The following HDAC4 variants were observed in gnomAD, a reference collection of about 807,000 sequenced individuals.
HDAC4 encodes the protein histone deacetylase 4.
In HDAC4, 16 loss-of-function variants were observed where a neutral mutation model predicts 135.1. The observed-to-expected ratio is 0.12, with a 90% confidence interval of 0.08 to 0.18. The LOEUF (loss-of-function observed/expected upper bound fraction) is 0.18, where lower values mean the gene tolerates loss of function less well. Ranked by LOEUF, HDAC4 falls within the 10% of genes least tolerant of loss-of-function variation. The probability of loss-of-function intolerance (pLI) is 1.00; values close to 1 mark genes in which losing one functional copy is unlikely to be tolerated. For synonymous variants in HDAC4, 685 were observed against 653.4 expected (o/e 1.05, Z -0.74); for missense variants, 1,143 against 1,511.8 (o/e 0.76, Z 4.05).
chr2:239,062,942 G>A (rs2032970709), intron 24 of HDAC4, among the ~76,000 whole-genome samples: 1 of 152,176 alleles, frequency 6.6e-6, no homozygotes, highest in South Asian at 2.1e-4. Context: ...GCAGGCCCCT[G>A]CGATGGCCCA....
intron 2 of HDAC4, among the ~76,000 whole-genome samples, chr2:239,314,097 C>T (rs977569140): frequency 3.9e-5 from 6 of 152,134 alleles, no homozygotes; most frequent in African/African-American, 1.4e-4. Flanking sequence ...TTCAGACAAC[C>T]CATGAGGCCT....
intron 19 of HDAC4, among the ~76,000 whole-genome samples, chr2:239,084,573 C>T (rs1267535097): frequency 1.3e-5 from 2 of 151,742 alleles, no homozygotes; most frequent in Admixed American, 1.3e-4. Context: ...CCCACACAGA[C>T]ACACACACCA....
At chr2:239,219,621 TAATAAAATAA>T (rs768178340) in intron 3 of HDAC4, among the ~76,000 whole-genome samples, 23 of 151,382 alleles carry the variant, frequency 1.5e-4, no homozygotes, top group Middle Eastern at 3.4e-3. Context: ...AGTATAATAA[TAATAAAATAA>T]AATAAAATAA....
At chr2:239,249,210 G>C (rs913543701) in intron 2 of HDAC4, among the ~76,000 whole-genome samples, 2 of 152,168 alleles carry the variant, frequency 1.3e-5, no homozygotes, top group African/African-American at 4.8e-5. Context: ...AACAAGCCTG[G>C]GGGTTCCCAC....
intron 2 of HDAC4, among the ~76,000 whole-genome samples, chr2:239,273,796 G>A (rs949342444): frequency 3.3e-5 from 5 of 152,324 alleles, no homozygotes; most frequent in Admixed American, 6.5e-5. Flanking sequence ...CAAGAGGGAG[G>A]AAACGGCTGT....
chr2:239,228,230 C>T (rs1276901110), intron 3 of HDAC4, among the ~76,000 whole-genome samples: 1 of 152,150 alleles, frequency 6.6e-6, no homozygotes, highest in East Asian at 1.9e-4. Context: ...CCCCGGGACA[C>T]CAGGTGAGGA....
At chr2:239,318,092 A>G (rs968486807) in intron 2 of HDAC4, among the ~76,000 whole-genome samples, 1 of 152,158 alleles carries the variant, frequency 6.6e-6, no homozygotes, top group African/African-American at 2.4e-5. Flanking sequence ...AGAACCATCA[A>G]TGATGCTGAG....
intron 2 of HDAC4, among the ~76,000 whole-genome samples, chr2:239,326,568 A>G (rs2053475784): frequency 6.6e-6 from 1 of 152,244 alleles, no homozygotes; most frequent in Non-Finnish European, 1.5e-5. Flanking sequence ...AGAAATTAAT[A>G]TACATGTTGG....
At chr2:239,343,895 C>T (rs1383463759) in intron 2 of HDAC4, among the ~76,000 whole-genome samples, 1 of 152,192 alleles carries the variant, frequency 6.6e-6, no homozygotes, top group East Asian at 1.9e-4. Flanking sequence ...TCCTCATCTA[C>T]AAAACAGAAA....
intron 3 of HDAC4, among the ~76,000 whole-genome samples, chr2:239,231,098 C>T (rs1319343631): frequency 6.6e-6 from 1 of 152,214 alleles, no homozygotes; most frequent in African/African-American, 2.4e-5. Context: ...TAGTTAATCC[C>T]CTTTAAGGTT....
chr2:239,257,240 CAA>C (rs34115531), intron 2 of HDAC4, among the ~76,000 whole-genome samples: 5 of 136,634 alleles, frequency 3.7e-5, no homozygotes, highest in Admixed American at 7.3e-5. Context: ...AACACAAGTG[CAA>C]AAAAAAAAAG....
chr2:239,362,714 C>G (rs1693940581), intron 1 of HDAC4, among the ~76,000 whole-genome samples: 1 of 152,198 alleles, frequency 6.6e-6, no homozygotes, highest in Non-Finnish European at 1.5e-5. Flanking sequence ...TACACATCAT[C>G]TCCTGGGCAA....
At chr2:239,268,253 G>A (rs2049859196) in intron 2 of HDAC4, among the ~76,000 whole-genome samples, 1 of 152,242 alleles carries the variant, frequency 6.6e-6, no homozygotes, top group African/African-American at 2.4e-5. Flanking sequence ...ACTCGGGCTG[G>A]TGGCCAGGAC....
chr2:239,277,983 C>G (rs1476057291), intron 2 of HDAC4, among the ~76,000 whole-genome samples: 1 of 150,268 alleles, frequency 6.7e-6, no homozygotes, highest in Admixed American at 6.6e-5. Context: ...GCAGGCCAGC[C>G]ACACACCCCA....
At chr2:239,082,330 C>T in intron 20 of HDAC4, 109 bp from the exon 21 acceptor site, 1 of 1,402,124 alleles carries the variant, frequency 7.1e-7, no homozygotes, top group Non-Finnish European at 1.0e-6. Flanking sequence ...GGCTCCTGCT[C>T]AGGAATGACA....
chr2:239,097,948 G>C (rs1013442248), intron 16 of HDAC4, among the ~76,000 whole-genome samples: 1 of 152,326 alleles, frequency 6.6e-6, no homozygotes, highest in Middle Eastern at 3.4e-3. Context: ...CCAGAAACTA[G>C]GGAGCTCGTT....
chr2:239,289,015 G>A (rs1306457056), intron 2 of HDAC4, among the ~76,000 whole-genome samples: 1 of 152,254 alleles, frequency 6.6e-6, no homozygotes, highest in Non-Finnish European at 1.5e-5. Flanking sequence ...TGCAGCGCCT[G>A]TCAAGGAGAC....
intron 2 of HDAC4, among the ~76,000 whole-genome samples, chr2:239,253,578 A>T (rs2048899613): frequency 6.6e-6 from 1 of 152,258 alleles, no homozygotes; most frequent in Non-Finnish European, 1.5e-5. Flanking sequence ...TACAGAACAC[A>T]GCAAGTCAAC....
intron 3 of HDAC4, among the ~76,000 whole-genome samples, chr2:239,215,943 G>A (rs2046608677): frequency 6.6e-6 from 1 of 152,078 alleles, no homozygotes; most frequent in African/African-American, 2.4e-5. Flanking sequence ...CCATTGGCTG[G>A]ACTCATAAAA....
Sources: allele counts gnomAD v4.1 joint callset (sites outside exome capture counted in the v4.1 genomes callset), GRCh38; gene constraint gnomAD v4.1.1; transcripts MANE v1.5; gene names NCBI Gene and HGNC (gene_info 2026-07-23, HGNC 2026-07-21).